ANO7: variants seen among roughly 807,000 people sequenced by gnomAD.
ANO7 encodes the protein anoctamin-7.
A neutral mutation model predicts 115.8 loss-of-function variants in ANO7; 114 were observed. That is an observed-to-expected ratio of 0.98 (90% CI 0.85 to 1.15). ANO7 has a LOEUF of 1.15. Ranked by LOEUF, ANO7 falls within the 50% of genes most tolerant of loss-of-function variation. The pLI is 0.00. For synonymous variants in ANO7, 550 were observed against 498.2 expected, an observed-to-expected ratio of 1.10 and a Z score of -1.38; for missense variants, 1,302 against 1,201.2, an observed-to-expected ratio of 1.08 and a Z score of -1.24.
chr2:241,223,875 C>T (rs562897407), intron 23 of ANO7, 30 bp from the exon 24 acceptor site: 2 of 1,614,026 alleles, frequency 1.2e-6, no homozygotes, highest in Admixed American at 1.7e-5. Context: ...TCACATCCCT[C>T]TTCCTCTTGC....
In ANO7 at chr2:241,203,324, C is replaced by G. The variant is rs564479924; in HGVS notation, c.724-9C>G. 4.0e-6 allele frequency: 6 copies of G among 1,516,482 alleles called. No individual in the cohort carries two copies. The highest frequency in any genetic ancestry group is 5.3e-6 in the Non-Finnish European group (6 of 1,133,140). 93.9% of individuals were successfully genotyped at this position (1,516,482 alleles called of 1,614,324 possible). Reference sequence around the variant, plus strand: ...GGGAGCCTCCCACCCACAGGCCGCTCGCCCCCAGGGCCCCTTCAAGACGCC... The same window carrying G: ...GGGAGCCTCCCACCCACAGGCCGCTGGCCCCCAGGGCCCCTTCAAGACGCC... On this transcript the variant is annotated splice_polypyrimidine_tract_variant and intron_variant, in intron 8 of 24. Coordinates refer to ENST00000674324, the MANE Select transcript of ANO7 (RefSeq NM_001370694.2). The surrounding 1 kb of genome is among the most constrained non-coding windows in gnomAD (Gnocchi z 4.8).
At chr2:241,226,274 C>T (rs575131312), downstream of ANO7, among the ~76,000 whole-genome samples, 16 of 152,180 alleles carry the variant, frequency 1.1e-4, no homozygotes, top group Non-Finnish European at 2.1e-4. Flanking sequence ...GGACATTGCG[C>T]GAGCTCCATC....
chr2:241,210,311 T>C lies in ANO7; in HGVS notation c.1376T>C (p.Met459Thr), dbSNP rs2068690785. Residue 459 changes from methionine (M) to threonine (T), a missense_variant, in exon 14 of 25, where the codon ATG (methionine) becomes ACG (threonine). Physicochemically the swap from Met to Thr is moderately conservative, Grantham distance 81 (BLOSUM62 -1). Coordinates refer to ENST00000674324, the MANE Select transcript of ANO7 (RefSeq NM_001370694.2). ...VIVVMVAVVVMCLVSIILYRA... is the reference protein window; with the variant it reads ...VIVVMVAVVVTCLVSIILYRA... ...CCCCCGCAGGTGGCCGTGGTGGTCA[T>C]GTGCCTCGTGTCTATCATCCTGTAC... is the stretch of plus-strand genomic sequence containing the variant. 1.2e-6 allele frequency: 2 copies of C among 1,613,944 alleles called. No individual in the cohort carries two copies. Among genetic ancestry groups the C allele is most frequent in the Non-Finnish European group, 1.7e-6 (2 of 1,179,962 alleles).
chr2:241,239,357 C>T, the ANO7 span, among the ~76,000 whole-genome samples: 7 of 152,014 alleles, frequency 4.6e-5, no homozygotes, highest in Non-Finnish European at 1.0e-4. This position sits in a 1 kb window ranked among gnomAD's most constrained non-coding sequence, Gnocchi z 4.6. Context: ...CTCCCCTCTC[C>T]TCTTCTCCTT....
chr2:241,208,568 C>T (rs1409813616), intron 11 of ANO7, among the ~76,000 whole-genome samples: 1 of 152,206 alleles, frequency 6.6e-6, no homozygotes, highest in African/African-American at 2.4e-5. Flanking sequence ...AGATTACATT[C>T]TGAGGTTCCC....
chr2:241,190,121 C>G lies in ANO7; in HGVS notation c.58C>G (p.Pro20Ala), dbSNP rs753175781. 1.9e-6 allele frequency: 3 copies of G among 1,580,790 alleles called. No individual in the cohort carries two copies. Among genetic ancestry groups the G allele is most frequent in the East Asian group, 2.3e-5 (1 of 43,152 alleles). ...DSTVLIDVSP[P>A]EAEKRGSYGS... ...CACCGTCCTGATCGATGTGAGCCCC[C>G]CTGAGGCAGAGAAGAGGGGCTCTTA... is the stretch of plus-strand genomic sequence containing the variant. Residue 20 changes from proline (P) to alanine (A), a missense_variant, in exon 2 of 25, where the codon CCT (proline) becomes GCT (alanine). Pro to Ala is a conservative substitution (Grantham distance 27, BLOSUM62 -1). Transcript: ENST00000674324.
rs769517535 is a variant in ANO7, at chr2:241,214,801, G to A, written c.1729-4G>A. ...CCCAGCTAACCTGAGCCCTGCTGCC[G>A]TAGTGCGCGGCTGGAGGCTGCCTGA... is the stretch of plus-strand genomic sequence containing the variant. On this transcript the variant is annotated splice_polypyrimidine_tract_variant and splice_region_variant and intron_variant, in intron 17 of 24. Coordinates refer to ENST00000674324, the MANE Select transcript of ANO7 (RefSeq NM_001370694.2). 66 of 1,610,668 alleles carry A rather than the reference G, an allele frequency of 4.1e-5. No homozygotes were observed. The Middle Eastern group carries it at 8.3e-4, about 20-fold the overall frequency.
At chr2:241,191,092 C>T (rs1178962223) in intron 2 of ANO7, 102 bp from the exon 3 acceptor site, 28 of 1,209,028 alleles carry the variant, frequency 2.3e-5, no homozygotes, top group East Asian at 2.8e-5. Context: ...AGGGCGGGGA[C>T]GGGTTGGAGG....
At chr2:241,224,017 C>A in intron 24 of ANO7, 62 bp downstream of exon 24, 1 of 1,613,440 alleles carries the variant, frequency 6.2e-7, no homozygotes, top group Non-Finnish European at 8.5e-7. Context: ...GGGCCCTGCC[C>A]AGCCGCCCAC....
intron 3 of ANO7, among the ~76,000 whole-genome samples, chr2:241,193,084 G>GT (rs1311883283): frequency 1.3e-4 from 20 of 151,668 alleles, no homozygotes; most frequent in South Asian, 4.2e-4. Context: ...TGTTTTTTGT[G>GT]TTTTTTTTGA....
chr2:241,203,195 C>A lies in ANO7; in HGVS notation c.724-138C>A. 1.7e-6 allele frequency: 1 copy of A among 582,850 alleles called. No individual in the cohort carries two copies. Among genetic ancestry groups the A allele is most frequent in the Non-Finnish European group, 2.8e-6 (1 of 353,004 alleles). The allele number at this position is 582,850 out of a possible 1,614,324, so 36.1% of individuals were successfully genotyped here. A position where few individuals can be genotyped will look rare whatever the true frequency, so the allele number is the denominator to read the frequency against. ...ACCCTGTACCCACCCCTCCACATTACTCTATTTTTTCTTCATGGAGCAATC... is the reference window on the plus strand; with the variant it reads ...ACCCTGTACCCACCCCTCCACATTAATCTATTTTTTCTTCATGGAGCAATC... On this transcript the variant is annotated intron_variant, in intron 8 of 24. Coordinates refer to ENST00000674324, the MANE Select transcript of ANO7 (RefSeq NM_001370694.2). This position sits in a 1 kb window ranked among gnomAD's most constrained non-coding sequence, Gnocchi z 4.8.
At chr2:241,202,511 C>G (rs2074841) in intron 8 of ANO7, among the ~76,000 whole-genome samples, 2 of 152,214 alleles carry the variant, frequency 1.3e-5, no homozygotes, top group Admixed American at 1.3e-4. Flanking sequence ...TCTGCGGGGA[C>G]TGCAGCCCAC....
At position 241,189,264 on chromosome 2, in the gene ANO7, A is replaced by G. The variant is rs59288154; in HGVS notation, c.-8+498A>G. On this transcript the variant is annotated intron_variant, in intron 1 of 24. Transcript: ENST00000674324. ...AGGCAGGTGCAGGCGGCCCAGGCTC[A>G]GTCTCTGTCCCTCTGGGCCTCCGCT... 5.8e-4 allele frequency among the ~76,000 whole-genome samples: 89 copies of G among 152,326 alleles called. 3 individuals are homozygous for G. In the East Asian group the frequency reaches 0.016, roughly 27 times the overall value.
At chr2:241,198,316 G>C (rs1430430635) in intron 4 of ANO7, among the ~76,000 whole-genome samples, 1 of 152,160 alleles carries the variant, frequency 6.6e-6, no homozygotes, top group African/African-American at 2.4e-5. Context: ...AGCCCACAGA[G>C]CTAACAGCCA....
At chr2:241,210,722 C>A in intron 15 of ANO7, 152 bp downstream of exon 15, 1 of 720,600 alleles carries the variant, frequency 1.4e-6, no homozygotes, top group South Asian at 1.7e-5. Flanking sequence ...CTCTGTTGCC[C>A]AAGCTGGAGT....
downstream of ANO7, chr2:241,229,580 G>A: frequency 1.9e-6 from 3 of 1,582,710 alleles, no homozygotes; most frequent in South Asian, 2.2e-5. Flanking sequence ...AGGCTGGAGA[G>A]GGTTCTGTTC....
chr2:241,215,528 G>A (rs888698464), intron 18 of ANO7, among the ~76,000 whole-genome samples: 1 of 152,246 alleles, frequency 6.6e-6, no homozygotes, highest in Non-Finnish European at 1.5e-5. Context: ...ATAGCAGTTG[G>A]GAGATGGTGG....
At chr2:241,228,697 A>C (rs940979532), downstream of ANO7, 1 of 152,874 alleles carries the variant, frequency 6.5e-6, no homozygotes, top group Non-Finnish European at 1.5e-5. Context: ...TGAGGTAGAA[A>C]GAAGGCAACT....
At chr2:241,189,991 C>T (rs1358051458) in intron 1 of ANO7, 66 bp from the exon 2 acceptor site, 1 of 1,279,186 alleles carries the variant, frequency 7.8e-7, no homozygotes, top group South Asian at 1.3e-5. Context: ...AGTGTGGTGG[C>T]CCCAGGAACG....
Sources: allele counts gnomAD v4.1 joint callset (sites outside exome capture counted in the v4.1 genomes callset), GRCh38; gene constraint gnomAD v4.1.1; non-coding constraint Gnocchi (gnomAD v3.1); transcripts MANE v1.5; gene names NCBI Gene and HGNC (gene_info 2026-07-23, HGNC 2026-07-21).